NPHP4: variants seen among roughly 807,000 people sequenced by gnomAD.
NPHP4 encodes the protein nephrocystin-4.
NPHP4 carries 151 observed loss-of-function variants against 155.8 expected under a neutral mutation model. That is an observed-to-expected ratio of 0.97 (90% CI 0.85 to 1.11). NPHP4 has a LOEUF of 1.11. Among genes scored for constraint, NPHP4 ranks in the 50% least tolerant of loss-of-function variants. NPHP4 has a pLI of 0.00. For missense variants in NPHP4, 1,956 were observed against 1,925.7 expected (o/e 1.02, Z -0.29); for synonymous variants, 845 against 816.8 (o/e 1.03, Z -0.59).
In NPHP4 at chr1:5,892,600, G is replaced by A. The variant is rs1205293529; in HGVS notation, c.2144-1572C>T. ...ACAGAATGGGGGCCGGTCCAGCGGG[G>A]CACTGGAAGGAGCTCCCCAGGAGAC... is the stretch of plus-strand genomic sequence containing the variant. On this transcript the variant is annotated intron_variant, in intron 16 of 29. Coordinates refer to ENST00000378156, the MANE Select transcript of NPHP4 (RefSeq NM_015102.5). This position sits in a 1 kb window ranked among gnomAD's most constrained non-coding sequence, Gnocchi z 4.5. 2.6e-5 allele frequency among the ~76,000 whole-genome samples: 4 copies of A among 152,076 alleles called. No homozygotes were observed. Among genetic ancestry groups the A allele is most frequent in the Non-Finnish European group, 4.4e-5 (3 of 67,986 alleles).
rs567239452 is a variant in NPHP4, at chr1:5,931,215, A to G, written c.1302+1932T>C. Among the ~76,000 whole-genome samples the G allele has an allele frequency of 4.6e-5, 7 of 152,296 alleles. No individual in the cohort carries two copies. In the South Asian group the frequency reaches 1.4e-3, roughly 32 times the overall value. On this transcript the variant is annotated intron_variant, in intron 10 of 29. Transcript: ENST00000378156. ...TTTGTCTTTCATTAAGCCTGACAAT[A>G]TCTTTTAAACTGGTGTGTTTACACT...
At chr1:5,924,271 T>C (rs538295291) in intron 11 of NPHP4, among the ~76,000 whole-genome samples, 14 of 152,108 alleles carry the variant, frequency 9.2e-5, no homozygotes, top group African/African-American at 3.1e-4. Context: ...GATAAACACG[T>C]AACTGGGGCC....
chr1:5,971,020 C>G (rs916486341), intron 3 of NPHP4, among the ~76,000 whole-genome samples: 1 of 152,164 alleles, frequency 6.6e-6, no homozygotes, highest in Non-Finnish European at 1.5e-5. Flanking sequence ...ATTAACTCAC[C>G]TTTTCTATTT....
At position 5,867,852 on chromosome 1, in the gene NPHP4, G is replaced by C. The variant is rs188869698; in HGVS notation, c.3360C>G (p.Cys1120Trp). 4.3e-6 allele frequency: 7 copies of C among 1,613,810 alleles called. No individual in the cohort carries two copies. The Admixed American group carries it at 8.3e-5, about 19-fold the overall frequency. ...ASGGKPIAVL[C>W]LTVELQPHVV... ...CGTGGGGCTGCAGCTCCACAGTCAGGCAGAGCACGGCGATGGGCTTGCCAC... is the reference window on the plus strand; with the variant it reads ...CGTGGGGCTGCAGCTCCACAGTCAGCCAGAGCACGGCGATGGGCTTGCCAC... The change falls in exon 24 of 30, where the codon TGC (cysteine) becomes TGG (tryptophan). Residue 1120 changes from cysteine (C) to tryptophan (W), a missense_variant. Physicochemically the swap from Cys to Trp is radical, Grantham distance 215. Coordinates refer to ENST00000378156, the MANE Select transcript of NPHP4 (RefSeq NM_015102.5). This position sits in a 1 kb window ranked among gnomAD's most constrained non-coding sequence, Gnocchi z 4.1.
chr1:5,938,661 A>G (rs1478169112), intron 9 of NPHP4, among the ~76,000 whole-genome samples: 1 of 152,258 alleles, frequency 6.6e-6, no homozygotes, highest in Admixed American at 6.5e-5. Context: ...CCCTTTTCCC[A>G]TTTAGAAAAA....
At chr1:5,898,038 G>A (rs940770590) in intron 16 of NPHP4, among the ~76,000 whole-genome samples, 1 of 152,238 alleles carries the variant, frequency 6.6e-6, no homozygotes, top group African/African-American at 2.4e-5. Context: ...GCTGTGCTAG[G>A]TGGCCCGGAG....
intron 2 of NPHP4, among the ~76,000 whole-genome samples, chr1:5,985,089 G>A (rs1437259571): frequency 6.6e-6 from 1 of 152,256 alleles, no homozygotes; most frequent in Non-Finnish European, 1.5e-5. Context: ...CAAAGACACA[G>A]CAGGTGCTCA....
At chr1:5,946,649 A>G (rs549183505) in intron 9 of NPHP4, among the ~76,000 whole-genome samples, 2 of 152,368 alleles carry the variant, frequency 1.3e-5, no homozygotes, top group South Asian at 4.1e-4. Flanking sequence ...TGTGCTAATG[A>G]GATGACTGTG....
intron 2 of NPHP4, among the ~76,000 whole-genome samples, chr1:5,980,217 C>G (rs1420611856): frequency 2.0e-5 from 3 of 152,200 alleles, no homozygotes; most frequent in African/African-American, 7.2e-5. Flanking sequence ...CCTGCGCTTC[C>G]CCAGGTGGCC....
At chr1:5,973,443 T>A (rs1017227666) in intron 3 of NPHP4, among the ~76,000 whole-genome samples, 2 of 152,206 alleles carry the variant, frequency 1.3e-5, no homozygotes, top group African/African-American at 4.8e-5. Flanking sequence ...AACATTTAGC[T>A]GGGTCTGGTG....
chr1:5,880,605 T>C (rs1196158236), intron 18 of NPHP4: 1 of 309,950 alleles, frequency 3.2e-6, no homozygotes, highest in Non-Finnish European at 6.3e-6. Context: ...GCCACATTGA[T>C]CAAGGATAGG....
chr1:5,904,700 T>A lies in NPHP4; in HGVS notation c.2060A>T (p.Gln687Leu). 1 of 1,614,072 alleles carries A rather than the reference T, an allele frequency of 6.2e-7. No individual in the cohort carries two copies. The highest frequency in any genetic ancestry group is 8.5e-7 in the Non-Finnish European group (1 of 1,179,902). ...PATTPRLQLV[Q>L]LDEAGQPSSG... The stretch of plus-strand genomic sequence containing the variant: ...GCTGGGCTGGCCGGCCTCATCCAGC[T>A]GGACCAGCTGCAGTCGTGGCGTCGT... Residue 687 changes from glutamine to leucine, a missense_variant, in exon 16 of 30, where the codon CAG becomes CTG. Physicochemically the swap from Gln to Leu is moderately radical, Grantham distance 113. Transcript: ENST00000378156.
chr1:5,927,979 C>G (rs1411195526), intron 10 of NPHP4, among the ~76,000 whole-genome samples, 192 bp from the exon 11 acceptor site: 1 of 152,188 alleles, frequency 6.6e-6, no homozygotes, highest in Non-Finnish European at 1.5e-5. Context: ...ATTAAAAGCC[C>G]TGCAGACCAT....
At chr1:5,964,941 A>ATATATATATATATATATTTTTTTTTTTTT in intron 5 of NPHP4, among the ~76,000 whole-genome samples, 25 of 59,300 alleles carry the variant, frequency 4.2e-4, no homozygotes, top group Non-Finnish European at 4.9e-4. Flanking sequence ...ATATATATAT[A>ATATATATATATATATATTTTTTTTTTTTT]TTTTTTTTTT....
chr1:5,948,301 G>C, intron 7 of NPHP4, 50 bp from the exon 8 acceptor site: 2 of 1,418,786 alleles, frequency 1.4e-6, no homozygotes, highest in Non-Finnish European at 9.4e-7. Flanking sequence ...GAAAGAGGGA[G>C]CTCGCCAGAA....
chr1:5,900,709 A>AT (rs1266037469), intron 16 of NPHP4, among the ~76,000 whole-genome samples: 14 of 152,068 alleles, frequency 9.2e-5, no homozygotes, highest in Non-Finnish European at 7.4e-5. Flanking sequence ...GTTCATAATA[A>AT]TTTTTTAATA....
At position 5,864,496 on chromosome 1, in the gene NPHP4, C is replaced by T. The variant is rs751907566; in HGVS notation, c.3838G>A (p.Val1280Met). Residue 1280 changes from valine (V) to methionine (M), a missense_variant, in exon 28 of 30, where the codon GTG becomes ATG. By Grantham distance (21) the Val-to-Met change is conservative (BLOSUM62 1). Coordinates refer to ENST00000378156, the MANE Select transcript of NPHP4 (RefSeq NM_015102.5). ...ELKTDPKGVF[V>M]LPPRGVQDLH... ...TCCTGCACCCCACGAGGCGGCAGCA[C>T]GAAGACACCTTTGGGGTCTGTCTTC... is the stretch of plus-strand genomic sequence containing the variant. The T allele has an allele frequency of 4.5e-5, 71 of 1,588,986 alleles. 2 individuals carry two copies. The South Asian group carries it at 5.6e-4, about 12-fold the overall frequency.
At chr1:5,902,460 G>A (rs1309545631) in intron 16 of NPHP4, among the ~76,000 whole-genome samples, 8 of 152,160 alleles carry the variant, frequency 5.3e-5, no homozygotes, top group East Asian at 3.9e-4. Flanking sequence ...TTTCATCTCC[G>A]CCATCTGCCT....
intron 11 of NPHP4, among the ~76,000 whole-genome samples, chr1:5,914,990 A>C (rs114539885): frequency 0.012 from 1,893 of 152,330 alleles, 45 homozygotes; most frequent in African/African-American, 0.044. Context: ...CTGAGCAAAC[A>C]GGGGTCAGCA....
Sources: allele counts gnomAD v4.1 joint callset (sites outside exome capture counted in the v4.1 genomes callset), GRCh38; gene constraint gnomAD v4.1.1; non-coding constraint Gnocchi (gnomAD v3.1); transcripts MANE v1.5; gene names NCBI Gene and HGNC (gene_info 2026-07-23, HGNC 2026-07-21).